Variants in VPS8 observed in about 807,000 individuals in gnomAD.
VPS8 encodes vacuolar protein sorting-associated protein 8 homolog.
VPS8 carries 129 observed loss-of-function variants against 216.4 expected under a neutral mutation model. The ratio of observed to expected loss-of-function variants is 0.60; its 90% CI spans 0.52 to 0.69. The LOEUF is 0.69. Among genes scored for constraint, VPS8 ranks in the 30% least tolerant of loss-of-function variants. The pLI, the probability that VPS8 is intolerant of heterozygous loss-of-function variation, is 0.00. For missense variants in VPS8, 1,531 were observed against 1,683.5 expected (o/e 0.91, Z 1.59); for synonymous variants, 571 against 565.4 (o/e 1.01, Z -0.14).
chr3:184,962,816 A>G (rs1746758512), intron 37 of VPS8, among the ~76,000 whole-genome samples: 1 of 150,014 alleles, frequency 6.7e-6, no homozygotes, highest in African/African-American at 2.4e-5. Flanking sequence ...TCTTTTATAT[A>G]TAAATTTTAT....
At chr3:184,995,055 C>T (rs1013157186) in intron 43 of VPS8, among the ~76,000 whole-genome samples, 5 of 152,216 alleles carry the variant, frequency 3.3e-5, no homozygotes, top group South Asian at 4.1e-4. Context: ...CCACTGGGTC[C>T]CTCCCACCAC....
At chr3:184,893,356 A>G (rs1276518021) in intron 22 of VPS8, 1 of 1,231,674 alleles carries the variant, frequency 8.1e-7, no homozygotes, top group East Asian at 5.8e-5. Context: ...TCTACAATTG[A>G]CATGATATAC....
chr3:184,897,952 G>T (rs1336862575), intron 23 of VPS8, among the ~76,000 whole-genome samples: 4 of 151,878 alleles, frequency 2.6e-5, no homozygotes, highest in African/African-American at 9.7e-5. Context: ...TTCCTAGCTG[G>T]CACTTCTGCT....
chr3:184,979,958 C>T lies in VPS8; in HGVS notation c.3421-2608C>T, dbSNP rs139056390. 6.2e-3 allele frequency among the ~76,000 whole-genome samples: 941 copies of T among 152,114 alleles called. 8 individuals are homozygous for T. Among genetic ancestry groups the T allele is most frequent in the African/African-American group, 0.021 (880 of 41,516 alleles). Reference sequence around the variant, plus strand: ...GTAATAGTCTTTTGTTTCCATGTTTCGCTTGAGGACCTCTTGTAAGACATG... The same window carrying T: ...GTAATAGTCTTTTGTTTCCATGTTTTGCTTGAGGACCTCTTGTAAGACATG... On this transcript the variant is annotated intron_variant, in intron 40 of 47. Coordinates refer to ENST00000625842, the MANE Select transcript of VPS8 (RefSeq NM_001009921.3).
intron 5 of VPS8, among the ~76,000 whole-genome samples, chr3:184,837,073 C>T (rs1375274369): frequency 1.3e-5 from 2 of 152,030 alleles, no homozygotes; most frequent in African/African-American, 4.8e-5. Context: ...CTGGGGCTCA[C>T]CCCAAACCTA....
chr3:184,892,667 T>G lies in VPS8; in HGVS notation c.1782-2036T>G, dbSNP rs1009951372. On this transcript the variant is annotated intron_variant, in intron 22 of 47. Coordinates refer to ENST00000625842, the MANE Select transcript of VPS8 (RefSeq NM_001009921.3). ...GTTGCTGAGCCTTATTTTTCTTGCT[T>G]CTTTATATTATAGCTTCTGATTGGT... Among the ~76,000 whole-genome samples the G allele has an allele frequency of 5.9e-5, 9 of 152,336 alleles. No homozygotes were observed. The South Asian group carries it at 1.2e-3, about 21-fold the overall frequency.
intron 46 of VPS8, among the ~76,000 whole-genome samples, chr3:185,046,236 C>T (rs1343177124): frequency 6.6e-6 from 1 of 152,134 alleles, no homozygotes; most frequent in Non-Finnish European, 1.5e-5. Flanking sequence ...TATTTGGTTG[C>T]TTCCCCTTTA....
intron 36 of VPS8, among the ~76,000 whole-genome samples, chr3:184,948,131 AT>A (rs1358441677): frequency 2.0e-5 from 3 of 152,200 alleles, no homozygotes; most frequent in Non-Finnish European, 4.4e-5. Context: ...AATTACACTA[AT>A]TTAATTATAA....
At chr3:184,914,444 TGAA>T (rs1487530958) in intron 26 of VPS8, among the ~76,000 whole-genome samples, 2 of 152,218 alleles carry the variant, frequency 1.3e-5, no homozygotes, top group Non-Finnish European at 2.9e-5. Flanking sequence ...TCTTTAGCCA[TGAA>T]GAAGGTTTGA....
At chr3:185,024,594 C>T (rs1404990474) in intron 46 of VPS8, among the ~76,000 whole-genome samples, 1 of 152,206 alleles carries the variant, frequency 6.6e-6, no homozygotes, top group Non-Finnish European at 1.5e-5. Flanking sequence ...ACATCAGTCT[C>T]CTAGCAACTA....
At chr3:185,009,714 A>G (rs1362247942) in intron 45 of VPS8, among the ~76,000 whole-genome samples, 1 of 152,118 alleles carries the variant, frequency 6.6e-6, no homozygotes, top group Admixed American at 6.5e-5. Flanking sequence ...AACAAATGAC[A>G]TAAACCCTAA....
At chr3:184,949,226 G>A (rs940321735) in intron 36 of VPS8, among the ~76,000 whole-genome samples, 6 of 152,072 alleles carry the variant, frequency 3.9e-5, no homozygotes, top group African/African-American at 1.4e-4. Flanking sequence ...GAGCTGGGGA[G>A]GTCGCGGCTG....
chr3:184,916,733 T>C (rs1310605081), intron 28 of VPS8, among the ~76,000 whole-genome samples: 1 of 151,884 alleles, frequency 6.6e-6, no homozygotes, highest in African/African-American at 2.4e-5. Context: ...GACTGGCACA[T>C]AGGAAAAAAA....
chr3:185,012,999 G>GGAAATAAAGGGATGGGCT (rs1199608064), intron 45 of VPS8, among the ~76,000 whole-genome samples: 1 of 150,182 alleles, frequency 6.7e-6, no homozygotes, highest in Non-Finnish European at 1.5e-5. Context: ...ATTTCCTACA[G>GGAAATAAAGGGATGGGCT]GAAATAAAGG....
intron 38 of VPS8, among the ~76,000 whole-genome samples, chr3:184,966,280 G>A (rs957872346): frequency 2.0e-5 from 3 of 152,146 alleles, no homozygotes; most frequent in Non-Finnish European, 4.4e-5. Flanking sequence ...CAAGCCATTC[G>A]TGACAGATCC....
chr3:185,027,767 C>T (rs1047947636), intron 46 of VPS8, among the ~76,000 whole-genome samples: 1 of 152,144 alleles, frequency 6.6e-6, no homozygotes, highest in Non-Finnish European at 1.5e-5. Flanking sequence ...TGTGACATTA[C>T]AGAAGCAGGG....
At chr3:184,906,359 A>G (rs1009765797) in intron 25 of VPS8, among the ~76,000 whole-genome samples, 8 of 152,166 alleles carry the variant, frequency 5.3e-5, no homozygotes, top group African/African-American at 1.7e-4. Context: ...GTTCTCTAGA[A>G]TGTTCTATGT....
chr3:184,834,709 GA>G lies in VPS8; in HGVS notation c.416del (p.Lys139ArgfsTer7). 1.3e-6 allele frequency: 2 copies of G among 1,563,548 alleles called. No homozygotes were observed. Among genetic ancestry groups the G allele is most frequent in the Non-Finnish European group, 1.7e-6 (2 of 1,152,800 alleles). ...HGSVMRHSLL[K>X]GISAQIVSAA... ...GATCAGTTATGCGCCATTCACTTTTGAAGGGAATTTCTGCCCAGATAGTGTC... is the reference window on the plus strand; with the variant it reads ...GATCAGTTATGCGCCATTCACTTTTGAGGGAATTTCTGCCCAGATAGTGTC... On this transcript the variant is annotated frameshift_variant, in exon 5 of 48. Transcript: ENST00000625842. LOFTEE classifies it high-confidence loss of function.
intron 1 of VPS8, among the ~76,000 whole-genome samples, chr3:184,814,979 C>CT (rs1246152967): frequency 6.6e-6 from 1 of 152,054 alleles, no homozygotes; most frequent in Non-Finnish European, 1.5e-5. Flanking sequence ...ATTCTGTTAG[C>CT]TTTTTTCTAT....
Sources: allele counts gnomAD v4.1 joint callset (sites outside exome capture counted in the v4.1 genomes callset), GRCh38; gene constraint gnomAD v4.1.1; transcripts MANE v1.5; gene names NCBI Gene and HGNC (gene_info 2026-07-23, HGNC 2026-07-21).